The following SORCS3 variants were observed in gnomAD, a reference collection of about 807,000 sequenced individuals.
The protein encoded by SORCS3 is sortilin related VPS10 domain containing receptor 3.
Under a neutral mutation model 146.3 loss-of-function variants are expected in SORCS3, and 57 were observed. The ratio of observed to expected loss-of-function variants is 0.39; its 90% CI spans 0.31 to 0.49. The LOEUF is 0.49. Among genes scored for constraint, SORCS3 ranks in the 20% least tolerant of loss-of-function variants. The pLI is 0.92. For synonymous variants in SORCS3, 653 were observed against 618.5 expected, an observed-to-expected ratio of 1.06 and a Z score of -0.83; for missense variants, 1,341 against 1,575.5, an observed-to-expected ratio of 0.85 and a Z score of 2.52.
chr10:104,691,473 G>A (rs1013233527), intron 1 of SORCS3, among the ~76,000 whole-genome samples: 11 of 152,306 alleles, frequency 7.2e-5, no homozygotes, highest in Admixed American at 5.2e-4. Flanking sequence ...AAGTGTTTCC[G>A]GATTCATTCG....
In SORCS3 at chr10:105,258,506, G is replaced by A. The variant is rs143599418; in HGVS notation, c.3443+1582G>A. On this transcript the variant is annotated intron_variant, in intron 25 of 26. Transcript: ENST00000369701. Reference sequence around the variant, plus strand: ...AAATGTCTCATCTCTGACTCCCAGAGCAGCATAGTTGCTGAGGACAAGGGC... The same window carrying A: ...AAATGTCTCATCTCTGACTCCCAGAACAGCATAGTTGCTGAGGACAAGGGC... Among the ~76,000 whole-genome samples, 33 of 152,326 alleles carry A rather than the reference G, an allele frequency of 2.2e-4. No individual in the cohort carries two copies. The East Asian group carries it at 6.2e-3, about 29-fold the overall frequency.
At chr10:104,952,059 A>C (rs965324499) in intron 3 of SORCS3, among the ~76,000 whole-genome samples, 1 of 151,268 alleles carries the variant, frequency 6.6e-6, no homozygotes, top group Non-Finnish European at 1.5e-5. Flanking sequence ...CCCCGATTCC[A>C]AATCTAGTGT....
At chr10:105,018,069 T>C (rs1461141031) in intron 4 of SORCS3, among the ~76,000 whole-genome samples, 2 of 152,204 alleles carry the variant, frequency 1.3e-5, no homozygotes, top group African/African-American at 4.8e-5. Context: ...ATTTATGGGC[T>C]AAGTTAGCTG....
intron 1 of SORCS3, among the ~76,000 whole-genome samples, chr10:104,691,946 C>G (rs1215719686): frequency 6.6e-6 from 1 of 152,058 alleles, no homozygotes; most frequent in African/African-American, 2.4e-5. Flanking sequence ...GCTATGTTGT[C>G]CAAGCTTGAT....
At chr10:105,244,882 A>G (rs2056856354) in intron 20 of SORCS3, among the ~76,000 whole-genome samples, 2 of 152,188 alleles carry the variant, frequency 1.3e-5, no homozygotes, top group Admixed American at 1.3e-4. Context: ...CAGCCTGGGC[A>G]ACACGGTGAA....
chr10:104,685,834 G>T (rs568494646), intron 1 of SORCS3, among the ~76,000 whole-genome samples: 47 of 152,276 alleles, frequency 3.1e-4, no homozygotes, highest in Non-Finnish European at 6.3e-4. Context: ...TCTTCCCTTT[G>T]TCCCCACAAA....
chr10:104,961,157 G>A (rs1196927367), intron 3 of SORCS3, among the ~76,000 whole-genome samples: 4 of 152,010 alleles, frequency 2.6e-5, no homozygotes, highest in African/African-American at 9.7e-5. Context: ...TTAATTCTGG[G>A]GTCCCACTGT....
intron 1 of SORCS3, among the ~76,000 whole-genome samples, chr10:104,777,790 G>A (rs2017326562): frequency 6.6e-6 from 1 of 152,178 alleles, no homozygotes; most frequent in Admixed American, 6.5e-5. Flanking sequence ...GGCTCAGTGG[G>A]ACTGCAGTGA....
chr10:105,014,456 C>T (rs981879484), intron 4 of SORCS3, among the ~76,000 whole-genome samples: 1 of 151,976 alleles, frequency 6.6e-6, no homozygotes, highest in African/African-American at 2.4e-5. Context: ...AGAATAGTAG[C>T]TCATTAAAAG....
intron 1 of SORCS3, among the ~76,000 whole-genome samples, chr10:104,738,120 G>C (rs191241757): frequency 4.6e-5 from 7 of 152,256 alleles, no homozygotes; most frequent in Non-Finnish European, 8.8e-5. Context: ...GCTCTGTTCT[G>C]TTCCATTGAT....
At chr10:105,123,830 G>A (rs902090331) in intron 7 of SORCS3, among the ~76,000 whole-genome samples, 1 of 152,130 alleles carries the variant, frequency 6.6e-6, no homozygotes, top group African/African-American at 2.4e-5. Context: ...AGAAAGCAAG[G>A]GGCCTCATTT....
intron 4 of SORCS3, among the ~76,000 whole-genome samples, chr10:105,013,792 C>T (rs2055148386): frequency 6.6e-6 from 1 of 152,032 alleles, no homozygotes; most frequent in South Asian, 2.1e-4. Flanking sequence ...ATCAAAATTG[C>T]AACAGGTGCT....
chr10:105,227,813 T>C (rs1269473961), intron 20 of SORCS3, among the ~76,000 whole-genome samples: 1 of 152,142 alleles, frequency 6.6e-6, no homozygotes, highest in Non-Finnish European at 1.5e-5. Context: ...TTGTATTTTT[T>C]GTTTTTTATT....
intron 9 of SORCS3, 86 bp downstream of exon 9, chr10:105,147,882 G>A: frequency 8.4e-7 from 1 of 1,194,092 alleles, no homozygotes. Context: ...TGGAGTTCTG[G>A]GTTCAGATTC....
At chr10:104,766,362 G>A (rs79883993) in intron 1 of SORCS3, among the ~76,000 whole-genome samples, 22,563 of 152,238 alleles carry the variant, frequency 0.15, 2,116 homozygotes, top group Middle Eastern at 0.28. Flanking sequence ...TCACTCCCAC[G>A]TGTGGGGTTG....
chr10:105,004,273 G>T (rs982221089), intron 4 of SORCS3, among the ~76,000 whole-genome samples: 8 of 152,158 alleles, frequency 5.3e-5, no homozygotes, highest in African/African-American at 1.9e-4. Flanking sequence ...GCAGAAGGTT[G>T]ACCTTGGCTG....
chr10:104,965,348 A>T (rs1181932775), intron 3 of SORCS3, among the ~76,000 whole-genome samples: 1 of 152,210 alleles, frequency 6.6e-6, no homozygotes, highest in Non-Finnish European at 1.5e-5. Flanking sequence ...ACAATGCTAC[A>T]TTCAATGGTC....
intron 5 of SORCS3, among the ~76,000 whole-genome samples, chr10:105,084,930 C>T (rs779160238): frequency 1.3e-5 from 2 of 152,030 alleles, no homozygotes; most frequent in African/African-American, 2.4e-5. Flanking sequence ...CGGGGTTTCA[C>T]CATGTTAGCC....
At chr10:104,883,977 AG>A (rs896332497) in intron 2 of SORCS3, among the ~76,000 whole-genome samples, 7 of 147,678 alleles carry the variant, frequency 4.7e-5, no homozygotes, top group African/African-American at 1.3e-4. Context: ...CTGTGGAATG[AG>A]GGGGGGGAAA....
Sources: gnomAD v4.1 joint callset for allele counts (sites outside exome capture counted in the v4.1 genomes callset) on GRCh38, gnomAD v4.1.1 for gene constraint, MANE v1.5 for transcripts, NCBI Gene and HGNC (gene_info 2026-07-23, HGNC 2026-07-21) for gene names.